CNTNAP2: variants seen among roughly 807,000 people sequenced by gnomAD.
CNTNAP2 encodes the protein contactin-associated protein-like 2.
CNTNAP2 carries 98 observed loss-of-function variants against 155.2 expected under a neutral mutation model. The ratio of observed to expected loss-of-function variants is 0.63; its 90% CI spans 0.54 to 0.75. The LOEUF is 0.75. Among genes scored for constraint, CNTNAP2 ranks in the 30% least tolerant of loss-of-function variants. The pLI is 0.00. For synonymous variants in CNTNAP2, 651 were observed against 631.2 expected (o/e 1.03, Z -0.47); for missense variants, 1,727 against 1,688.1 (o/e 1.02, Z -0.40).
chr7:147,804,054 C>A (rs1349242177), intron 13 of CNTNAP2, among the ~76,000 whole-genome samples: 1 of 152,128 alleles, frequency 6.6e-6, no homozygotes. Context: ...CTGAGGCAAC[C>A]CTTCTGAGTT....
intron 3 of CNTNAP2, among the ~76,000 whole-genome samples, chr7:146,852,915 C>T (rs989660503): frequency 1.3e-4 from 20 of 152,162 alleles, no homozygotes; most frequent in African/African-American, 3.6e-4. Context: ...TCATTCTATA[C>T]GCACAGTGAC....
intron 16 of CNTNAP2, among the ~76,000 whole-genome samples, chr7:148,126,312 C>T (rs1242472728): frequency 6.6e-6 from 1 of 152,160 alleles, no homozygotes; most frequent in Non-Finnish European, 1.5e-5. Context: ...CAATGCCTGG[C>T]ATGTGGTAGG....
chr7:147,663,092 G>T (rs767362114), intron 13 of CNTNAP2, among the ~76,000 whole-genome samples: 1 of 152,058 alleles, frequency 6.6e-6, no homozygotes, highest in African/African-American at 2.4e-5. Flanking sequence ...TCCACTTCCC[G>T]GGTTCAAGTG....
At chr7:146,158,219 C>G (rs1226639312) in intron 1 of CNTNAP2, among the ~76,000 whole-genome samples, 2 of 152,122 alleles carry the variant, frequency 1.3e-5, no homozygotes, top group African/African-American at 4.8e-5. Context: ...ACACCCACAC[C>G]AAAACCCTAT....
chr7:147,089,169 GC>G (rs1800345159), intron 4 of CNTNAP2, among the ~76,000 whole-genome samples: 1 of 152,140 alleles, frequency 6.6e-6, no homozygotes, highest in Non-Finnish European at 1.5e-5. Context: ...CCCAGCTGTT[GC>G]CCCTGCAGAG....
chr7:146,433,420 T>C (rs1468613223), intron 1 of CNTNAP2, among the ~76,000 whole-genome samples: 1 of 152,002 alleles, frequency 6.6e-6, no homozygotes, highest in Non-Finnish European at 1.5e-5. Flanking sequence ...TTAAACACAA[T>C]AAAACCGACA....
At chr7:147,010,704 T>C (rs1223998299) in intron 3 of CNTNAP2, among the ~76,000 whole-genome samples, 1 of 152,112 alleles carries the variant, frequency 6.6e-6, no homozygotes, top group Non-Finnish European at 1.5e-5. Context: ...AAGAGAAAGC[T>C]TTTTCTTGTA....
rs550701100 is a variant in CNTNAP2 at position 146,554,903 on chromosome 7, AT to A, written c.98-219365del. The stretch of plus-strand genomic sequence containing the variant: ...TAGCACTTGAGTGTCCATAAGTTGC[AT>A]TTCACCTCCTTTTTTCTCACTGAAC... On this transcript the variant is annotated intron_variant, in intron 1 of 23. Transcript: ENST00000361727. Among the ~76,000 whole-genome samples, 10 of 152,282 alleles carry A rather than the reference AT, an allele frequency of 6.6e-5. No homozygotes were observed. The South Asian group carries it at 2.1e-3, about 32-fold the overall frequency.
chr7:146,368,239 T>C (rs115820865), intron 1 of CNTNAP2, among the ~76,000 whole-genome samples: 3,729 of 152,290 alleles, frequency 0.024, 158 homozygotes, highest in African/African-American at 0.086. Flanking sequence ...CATAAATAGA[T>C]GTCTCCAAGG....
intron 3 of CNTNAP2, among the ~76,000 whole-genome samples, chr7:146,909,052 G>A (rs1331917007): frequency 2.0e-5 from 3 of 151,758 alleles, no homozygotes; most frequent in Admixed American, 6.6e-5. Flanking sequence ...AGAAAATCTA[G>A]AAGAAATGGA....
rs750643318 is a variant in CNTNAP2 at position 147,044,008 on chromosome 7, A to T, written c.504A>T (p.Gly168=). ...YVRIVPLDWN[G]EGRIGLRIEV... ...GCATAGTGCCTCTGGATTGGAATGG[A>T]GAAGGTCGCATTGGACTCAGAATTG... The change falls in exon 4 of 24, where the codon GGA becomes GGT. Residue 168 remains glycine, a synonymous_variant. Transcript: ENST00000361727. 2 of 1,614,054 alleles carry T rather than the reference A, an allele frequency of 1.2e-6. No individual in the cohort carries two copies.
intron 11 of CNTNAP2, among the ~76,000 whole-genome samples, chr7:147,500,372 A>C (rs1158174673): frequency 2.0e-5 from 3 of 152,146 alleles, no homozygotes; most frequent in South Asian, 2.1e-4. Flanking sequence ...GACAGTTCTT[A>C]TACTAGATAG....
chr7:146,528,070 C>T (rs1797717340), intron 1 of CNTNAP2, among the ~76,000 whole-genome samples: 1 of 152,080 alleles, frequency 6.6e-6, no homozygotes, highest in Admixed American at 6.6e-5. Context: ...CCAGAGTCTT[C>T]TCAAAGAGGG....
intron 1 of CNTNAP2, among the ~76,000 whole-genome samples, chr7:146,716,809 T>C (rs1305376329): frequency 6.6e-6 from 1 of 152,212 alleles, no homozygotes; most frequent in Non-Finnish European, 1.5e-5. Flanking sequence ...TGTTCATTAG[T>C]GAGGAAGGAT....
intron 8 of CNTNAP2, among the ~76,000 whole-genome samples, chr7:147,269,167 T>A (rs940958153): frequency 4.6e-5 from 7 of 152,214 alleles, no homozygotes; most frequent in Non-Finnish European, 8.8e-5. Context: ...CTCCTCTGTT[T>A]GGTCCTTGAG....
chr7:146,692,988 G>A (rs776627861), intron 1 of CNTNAP2, among the ~76,000 whole-genome samples: 8 of 151,924 alleles, frequency 5.3e-5, no homozygotes, highest in South Asian at 2.1e-4. Context: ...TATAGTATAC[G>A]GTAAAAGGGC....
intron 1 of CNTNAP2, among the ~76,000 whole-genome samples, chr7:146,152,829 G>A (rs976312331): frequency 1.3e-5 from 2 of 151,974 alleles, no homozygotes; most frequent in Non-Finnish European, 2.9e-5. Context: ...TTCCTGTTGA[G>A]GACCTTATAA....
intron 2 of CNTNAP2, among the ~76,000 whole-genome samples, chr7:146,778,531 C>T (rs1032412261): frequency 6.6e-6 from 1 of 152,160 alleles, no homozygotes; most frequent in Non-Finnish European, 1.5e-5. Flanking sequence ...GATTTATCCC[C>T]ACATTTTTAA....
At chr7:147,743,467 C>T (rs1020883925) in intron 13 of CNTNAP2, among the ~76,000 whole-genome samples, 5 of 152,138 alleles carry the variant, frequency 3.3e-5, no homozygotes, top group East Asian at 1.9e-4. Flanking sequence ...CTTTCTTTCT[C>T]CTCACAGACT....
Sources: gnomAD v4.1 joint callset for allele counts (sites outside exome capture counted in the v4.1 genomes callset) on GRCh38, gnomAD v4.1.1 for gene constraint, MANE v1.5 for transcripts, NCBI Gene and HGNC (gene_info 2026-07-23, HGNC 2026-07-21) for gene names.